Variants in SYNPR observed in about 807,000 individuals in gnomAD.
The protein encoded by SYNPR is synaptoporin.
In SYNPR, 23 loss-of-function variants were observed where a neutral mutation model predicts 32.9. The observed-to-expected ratio is 0.70, with a 90% CI of 0.50 to 0.99. The LOEUF (loss-of-function observed/expected upper bound fraction) is 0.99. SYNPR is among the 50% of genes least tolerant of loss of function. The pLI, the probability that SYNPR is intolerant of heterozygous loss-of-function variation, is 0.00. For synonymous variants in SYNPR, 146 were observed against 135.9 expected (o/e 1.07, Z -0.52); for missense variants, 318 against 349.3 (o/e 0.91, Z 0.71).
chr3:63,565,239 C>A (rs1392161622), intron 4 of SYNPR, among the ~76,000 whole-genome samples: 1 of 152,096 alleles, frequency 6.6e-6, no homozygotes, highest in Non-Finnish European at 1.5e-5. Flanking sequence ...CAATTTTGCC[C>A]CTGACTCAAC....
chr3:63,412,093 T>C (rs1187894445), intron 2 of SYNPR, among the ~76,000 whole-genome samples: 2 of 152,064 alleles, frequency 1.3e-5, no homozygotes, highest in East Asian at 1.9e-4. Flanking sequence ...AGCAAATCAA[T>C]GGAACTTCAC....
chr3:63,250,392 T>G (rs1415773629), intron 1 of SYNPR, among the ~76,000 whole-genome samples: 2 of 152,174 alleles, frequency 1.3e-5, no homozygotes, highest in African/African-American at 4.8e-5. Context: ...GGGGCAATTA[T>G]TCATTCCTAA....
rs750974084 is a variant in SYNPR, at chr3:63,586,900, A to G, written c.409-22225A>G. Among the ~76,000 whole-genome samples the G allele has an allele frequency of 2.0e-5, 3 of 151,962 alleles. No individual in the cohort carries two copies. The East Asian group carries it at 5.8e-4, about 29-fold the overall frequency. On this transcript the variant is annotated intron_variant, in intron 4 of 5. Transcript: ENST00000478300. Reference sequence around the variant, plus strand: ...TTCAGATGGCCCTGCATGTCTTTACACTGTCACACAAGTTCTTTTCCAATC... The same window carrying G: ...TTCAGATGGCCCTGCATGTCTTTACGCTGTCACACAAGTTCTTTTCCAATC...
chr3:63,239,286 T>G (rs1300367464), intron 1 of SYNPR, among the ~76,000 whole-genome samples: 2 of 151,812 alleles, frequency 1.3e-5, no homozygotes, highest in Non-Finnish European at 2.9e-5. Context: ...GTCAAGTGTG[T>G]CATGCACCCA....
chr3:63,542,373 G>A (rs1039631), intron 3 of SYNPR, among the ~76,000 whole-genome samples: 60,263 of 151,812 alleles, frequency 0.4, 12,280 homozygotes, highest in African/African-American at 0.49. Flanking sequence ...CCTTCGTTGG[G>A]GATACTAAGA....
At chr3:63,415,972 T>C (rs1161885927) in intron 2 of SYNPR, among the ~76,000 whole-genome samples, 1 of 152,204 alleles carries the variant, frequency 6.6e-6, no homozygotes, top group Non-Finnish European at 1.5e-5. Flanking sequence ...ATACTGTTAC[T>C]CTCAGAAAGC....
At chr3:63,606,552 T>C (rs1700126267) in intron 4 of SYNPR, among the ~76,000 whole-genome samples, 1 of 150,722 alleles carries the variant, frequency 6.6e-6, no homozygotes, top group African/African-American at 2.4e-5. Flanking sequence ...CACCTCAGGC[T>C]CACAGGTTGA....
chr3:63,550,993 G>C (rs1489792133), intron 3 of SYNPR, among the ~76,000 whole-genome samples: 1 of 152,084 alleles, frequency 6.6e-6, no homozygotes, highest in Non-Finnish European at 1.5e-5. Context: ...CAGGAGCTTG[G>C]TACGTGTTCT....
rs2086422054 is a variant in SYNPR, at chr3:63,259,898, G to A, written n.154+7312G>A. 5.3e-5 allele frequency among the ~76,000 whole-genome samples: 8 copies of A among 152,276 alleles called. No homozygotes were observed. In the South Asian group the frequency reaches 1.2e-3, roughly 24 times the overall value. On this transcript the variant is annotated intron_variant and non_coding_transcript_variant, in intron 2 of 4. Transcript: ENST00000478456. ...AAGTCTCAGGATACAAAATCAATGTGTGAAAATCACAAGCATTCTTATACA... is the reference window on the plus strand; with the variant it reads ...AAGTCTCAGGATACAAAATCAATGTATGAAAATCACAAGCATTCTTATACA...
intron 4 of SYNPR, among the ~76,000 whole-genome samples, chr3:63,567,898 T>A (rs1425410846): frequency 6.6e-6 from 1 of 152,180 alleles, no homozygotes; most frequent in Non-Finnish European, 1.5e-5. Context: ...CTAAGAAACA[T>A]CTAATCAATT....
chr3:63,399,278 T>C (rs6764012), intron 2 of SYNPR, among the ~76,000 whole-genome samples: 69,451 of 151,932 alleles, frequency 0.46, 15,991 homozygotes, highest in Middle Eastern at 0.53. Context: ...AACCATAAAC[T>C]GAGTAGCTTG....
rs548861280 is a variant in SYNPR, at chr3:63,484,297, C to A, written c.209+3341C>A. Among the ~76,000 whole-genome samples, 15 of 152,140 alleles carry A rather than the reference C, an allele frequency of 9.9e-5. No homozygotes were observed. The East Asian group carries it at 2.9e-3, about 29-fold the overall frequency. On this transcript the variant is annotated intron_variant, in intron 3 of 5. Coordinates refer to ENST00000478300, the MANE Select transcript of SYNPR (RefSeq NM_001130003.2). Reference sequence around the variant, plus strand: ...TATTACTTAACTGTTTTCTCATCTGCAATAATATACTAAATTTGGTATGAA... The same window carrying A: ...TATTACTTAACTGTTTTCTCATCTGAAATAATATACTAAATTTGGTATGAA...
chr3:63,422,114 C>T (rs1205160253), intron 2 of SYNPR, among the ~76,000 whole-genome samples: 1 of 152,136 alleles, frequency 6.6e-6, no homozygotes, highest in African/African-American at 2.4e-5. Context: ...CACTCACATT[C>T]AGGTTAGGAA....
chr3:63,443,504 G>A (rs1344355386), intron 2 of SYNPR: 1 of 1,596,774 alleles, frequency 6.3e-7, no homozygotes, highest in Non-Finnish European at 8.5e-7. Context: ...ACAGCTGGCT[G>A]TGGGGATATG....
chr3:63,615,198 A>G, intron 5 of SYNPR, 26 bp from the exon 6 acceptor site: 1 of 1,608,546 alleles, frequency 6.2e-7, no homozygotes, highest in Non-Finnish European at 8.5e-7. Flanking sequence ...TAGTCTATCA[A>G]TTCATTGGCT....
chr3:63,252,483 C>T (rs752594639), intron 1 of SYNPR: 6 of 152,164 alleles, frequency 3.9e-5, no homozygotes, highest in South Asian at 2.1e-4. Context: ...GAATTAATTT[C>T]GTTTTCTTTT....
upstream of SYNPR, among the ~76,000 whole-genome samples, chr3:63,275,374 A>G (rs988442975): frequency 6.6e-6 from 1 of 152,206 alleles, no homozygotes; most frequent in African/African-American, 2.4e-5. Flanking sequence ...AAGCTCATAC[A>G]TTTCTGGAAT....
At chr3:63,240,084 C>A (rs938850743) in intron 1 of SYNPR, among the ~76,000 whole-genome samples, 3 of 152,088 alleles carry the variant, frequency 2.0e-5, no homozygotes, top group African/African-American at 7.2e-5. Flanking sequence ...GCATCCCTTT[C>A]TTCCCTTTGT....
intron 4 of SYNPR, among the ~76,000 whole-genome samples, chr3:63,593,245 A>T (rs1204158407): frequency 6.6e-6 from 1 of 152,162 alleles, no homozygotes; most frequent in East Asian, 1.9e-4. Context: ...TGCTAATGTT[A>T]CTATTAACTT....
Sources: allele counts gnomAD v4.1 joint callset (sites outside exome capture counted in the v4.1 genomes callset), GRCh38; gene constraint gnomAD v4.1.1; transcripts MANE v1.5; gene names NCBI Gene and HGNC (gene_info 2026-07-23, HGNC 2026-07-21).